Variants in NRG3 observed in about 807,000 individuals in gnomAD.
The protein encoded by NRG3 is pro-neuregulin-3, membrane-bound isoform.
A neutral mutation model predicts 66.9 loss-of-function variants in NRG3; 31 were observed. The ratio of observed to expected loss-of-function variants is 0.46; its 90% CI spans 0.35 to 0.63. The LOEUF (loss-of-function observed/expected upper bound fraction) is 0.63. Ranked by LOEUF, NRG3 falls within the 20% of genes least tolerant of loss-of-function variation. The pLI is 0.00. For synonymous variants in NRG3, 393 were observed against 359.4 expected, an observed-to-expected ratio of 1.09 and a Z score of -1.06; for missense variants, 910 against 878.9, an observed-to-expected ratio of 1.04 and a Z score of -0.45.
At chr10:82,386,277 T>C (rs750106434) in intron 2 of NRG3, among the ~76,000 whole-genome samples, 27 of 152,218 alleles carry the variant, frequency 1.8e-4, no homozygotes, top group Non-Finnish European at 2.8e-4. Context: ...TTTGGCTGTA[T>C]GTACCATTAC....
At chr10:82,112,526 A>G (rs1234156443) in intron 1 of NRG3, among the ~76,000 whole-genome samples, 1 of 152,172 alleles carries the variant, frequency 6.6e-6, no homozygotes, top group Non-Finnish European at 1.5e-5. Flanking sequence ...GGCAGAATTA[A>G]ATGTAGTTTG....
At chr10:82,572,457 A>ATTGTGAT (rs2045794756) in intron 2 of NRG3, among the ~76,000 whole-genome samples, 1 of 151,710 alleles carries the variant, frequency 6.6e-6, no homozygotes, top group Non-Finnish European at 1.5e-5. Context: ...CTTGCATTTC[A>ATTGTGAT]TTGTGATTTT....
intron 1 of NRG3, among the ~76,000 whole-genome samples, chr10:81,932,603 G>A (rs1045154019): frequency 2.0e-5 from 3 of 152,126 alleles, no homozygotes; most frequent in African/African-American, 7.2e-5. Flanking sequence ...CCTCTGAAAT[G>A]TACTCTGCAG....
intron 1 of NRG3, among the ~76,000 whole-genome samples, chr10:81,908,189 A>T (rs982670944): frequency 1.2e-4 from 18 of 152,196 alleles, no homozygotes; most frequent in African/African-American, 4.3e-4. Flanking sequence ...TTATTGATAC[A>T]CATCTTAGCA....
chr10:81,914,465 G>T (rs1845472213), intron 1 of NRG3, among the ~76,000 whole-genome samples: 1 of 152,108 alleles, frequency 6.6e-6, no homozygotes, highest in Admixed American at 6.6e-5. Flanking sequence ...AGGCGCAGTG[G>T]CTCACACCTA....
At chr10:82,133,311 C>T (rs1323958078) in intron 1 of NRG3, among the ~76,000 whole-genome samples, 1 of 152,034 alleles carries the variant, frequency 6.6e-6, no homozygotes, top group African/African-American at 2.4e-5. Flanking sequence ...TTGTTACATA[C>T]ATAAACTCAT....
rs2072796375 is a variant in NRG3 at position 82,173,581 on chromosome 10, T to C, written c.824-185158T>C. Among the ~76,000 whole-genome samples, 5 of 151,536 alleles carry C rather than the reference T, an allele frequency of 3.3e-5. No individual in the cohort carries two copies. The South Asian group carries it at 1.0e-3, about 32-fold the overall frequency. ...CAATGACACAGCTGGGATTGACAATTACAGGTGAGCAAGCAAGATGAGGGC... is the reference window on the plus strand; with the variant it reads ...CAATGACACAGCTGGGATTGACAATCACAGGTGAGCAAGCAAGATGAGGGC... On this transcript the variant is annotated intron_variant, in intron 1 of 8. Coordinates refer to ENST00000372141, the MANE Select transcript of NRG3 (RefSeq NM_001010848.4).
At chr10:82,642,443 A>G (rs1351982829) in intron 2 of NRG3, among the ~76,000 whole-genome samples, 1 of 152,126 alleles carries the variant, frequency 6.6e-6, no homozygotes, top group Non-Finnish European at 1.5e-5. Flanking sequence ...CTGGTGAAAT[A>G]ATGCACACCA....
intron 3 of NRG3, among the ~76,000 whole-genome samples, chr10:82,767,474 T>C (rs2059558887): frequency 6.6e-6 from 1 of 152,174 alleles, no homozygotes. Context: ...CGGGTTCTTT[T>C]AATCTAGAGA....
intron 3 of NRG3, among the ~76,000 whole-genome samples, chr10:82,772,824 G>A (rs2059767943): frequency 6.7e-6 from 1 of 149,592 alleles, no homozygotes; most frequent in African/African-American, 2.5e-5. Context: ...TCTGACCTCA[G>A]CCTCCCAAGT....
intron 1 of NRG3, among the ~76,000 whole-genome samples, chr10:82,084,354 A>G (rs1158336369): frequency 1.3e-5 from 2 of 151,632 alleles, no homozygotes; most frequent in South Asian, 2.1e-4. Flanking sequence ...AATTTATACT[A>G]TCTTGTATTG....
intron 1 of NRG3, among the ~76,000 whole-genome samples, chr10:82,063,650 A>G (rs965416055): frequency 2.8e-4 from 43 of 152,152 alleles, no homozygotes; most frequent in African/African-American, 9.9e-4. Context: ...TAACTAAAGA[A>G]AGAAAACTAA....
intron 3 of NRG3, among the ~76,000 whole-genome samples, chr10:82,830,332 G>A (rs1346522756): frequency 4.6e-5 from 7 of 152,278 alleles, no homozygotes; most frequent in African/African-American, 1.4e-4. Flanking sequence ...CTAGGTCTAA[G>A]ATATTTGACT....
intron 3 of NRG3, among the ~76,000 whole-genome samples, chr10:82,765,602 A>G (rs1423615911): frequency 6.6e-6 from 1 of 152,180 alleles, no homozygotes; most frequent in African/African-American, 2.4e-5. Context: ...ATAGGAATGA[A>G]GATGTTATAA....
intron 1 of NRG3, among the ~76,000 whole-genome samples, chr10:82,154,971 T>C (rs1399717366): frequency 6.6e-6 from 1 of 151,860 alleles, no homozygotes; most frequent in Non-Finnish European, 1.5e-5. Flanking sequence ...GGGTTTCTTC[T>C]ATATAAGATC....
chr10:82,842,012 C>G (rs1260712354), intron 3 of NRG3, among the ~76,000 whole-genome samples: 2 of 152,074 alleles, frequency 1.3e-5, no homozygotes, highest in Admixed American at 1.3e-4. Flanking sequence ...TCTAGGGCTG[C>G]AGGATAATTT....
In NRG3 at chr10:82,233,043, C is replaced by T. The variant is rs552248752; in HGVS notation, c.824-125696C>T. On this transcript the variant is annotated intron_variant, in intron 1 of 8. Coordinates refer to ENST00000372141, the MANE Select transcript of NRG3 (RefSeq NM_001010848.4). ...ATGTGGCTCTGGGTTGGTTAGTTTGCGTGCTTCAGGCTGGTCCCTTTCCTA... is the reference window on the plus strand; with the variant it reads ...ATGTGGCTCTGGGTTGGTTAGTTTGTGTGCTTCAGGCTGGTCCCTTTCCTA... 25 of 504,688 alleles carry T rather than the reference C, an allele frequency of 5.0e-5. No individual in the cohort carries two copies. The South Asian group carries it at 6.6e-4, about 13-fold the overall frequency. 31.3% of individuals were successfully genotyped at this position (504,688 alleles called of 1,614,324 possible). A position where few individuals can be genotyped will look rare whatever the true frequency, so the allele number is the denominator to read the frequency against.
intron 4 of NRG3, among the ~76,000 whole-genome samples, chr10:82,867,950 C>A (rs113998474): frequency 0.016 from 2,504 of 152,250 alleles, 74 homozygotes; most frequent in African/African-American, 0.057. Flanking sequence ...AAAATGTGCC[C>A]TGGGCCGCTT....
chr10:82,410,391 A>G (rs751045028), intron 2 of NRG3, among the ~76,000 whole-genome samples: 1 of 151,282 alleles, frequency 6.6e-6, no homozygotes, highest in Non-Finnish European at 1.5e-5. Context: ...ACTCTGATAC[A>G]TTATGTAAAT....
Sources: allele counts gnomAD v4.1 joint callset (sites outside exome capture counted in the v4.1 genomes callset), GRCh38; gene constraint gnomAD v4.1.1; transcripts MANE v1.5; gene names NCBI Gene and HGNC (gene_info 2026-07-23, HGNC 2026-07-21).